TMC1: variants seen among roughly 807,000 people sequenced by gnomAD.
TMC1 encodes the protein transmembrane channel like 1.
Under a neutral mutation model 105.8 loss-of-function variants are expected in TMC1, and 84 were observed. That is an observed-to-expected ratio of 0.79 (90% CI 0.67 to 0.95). TMC1 has a LOEUF of 0.95. Among genes scored for constraint, TMC1 ranks in the 40% least tolerant of loss-of-function variants. The pLI, the probability that TMC1 is intolerant of heterozygous loss-of-function variation, is 0.00. For missense variants in TMC1, 817 were observed against 914.1 expected (o/e 0.89, Z 1.37); for synonymous variants, 315 against 311.5 (o/e 1.01, Z -0.12).
intron 9 of TMC1, among the ~76,000 whole-genome samples, chr9:72,741,785 CTGGTGGTCCTCT>C (rs1374124054): frequency 6.6e-6 from 1 of 152,234 alleles, no homozygotes; most frequent in Non-Finnish European, 1.5e-5. Flanking sequence ...CTCATTCTTC[CTGGTGGTCCTCT>C]TGACTATGGA....
rs528240964 is a variant in TMC1, at chr9:72,792,432, T to C, written c.1566+80T>C. 3.2e-6 allele frequency: 5 copies of C among 1,558,066 alleles called. No homozygotes were observed. In the East Asian group the frequency reaches 6.7e-5, roughly 21 times the overall value. On this transcript the variant is annotated intron_variant, in intron 17 of 23. Coordinates refer to ENST00000297784, the MANE Select transcript of TMC1 (RefSeq NM_138691.3). ...ATATCTCTTCCATAAGATTGGCTTT[T>C]AAAAAATTGCTTATTAGTAAAAATA... is the stretch of plus-strand genomic sequence containing the variant.
chr9:72,649,268 T>C (rs1413984047), intron 5 of TMC1, among the ~76,000 whole-genome samples: 5 of 152,218 alleles, frequency 3.3e-5, no homozygotes, highest in African/African-American at 1.2e-4. Context: ...TGTTCATTCA[T>C]CAGTCATTCT....
intron 8 of TMC1, among the ~76,000 whole-genome samples, chr9:72,737,707 C>G (rs1827323115): frequency 6.6e-6 from 1 of 152,208 alleles, no homozygotes; most frequent in Non-Finnish European, 1.5e-5. Flanking sequence ...TCCCTCCTGT[C>G]TTATCACCTC....
chr9:72,738,133 C>T (rs141154048), intron 8 of TMC1, among the ~76,000 whole-genome samples: 126 of 152,226 alleles, frequency 8.3e-4, no homozygotes, highest in African/African-American at 2.3e-3. Flanking sequence ...ATGCAATGGT[C>T]AATGCTATGG....
At chr9:72,628,092 A>C (rs963491857) in intron 4 of TMC1, 29 bp downstream of exon 4, 7 of 455,618 alleles carry the variant, frequency 1.5e-5, no homozygotes, top group Non-Finnish European at 1.8e-5. Context: ...AATATTGAGC[A>C]CGTTTTGGTG....
At chr9:72,582,605 T>C (rs554450038) in intron 2 of TMC1, among the ~76,000 whole-genome samples, 1 of 152,366 alleles carries the variant, frequency 6.6e-6, no homozygotes, top group South Asian at 2.1e-4. Flanking sequence ...CTTGTCTAGC[T>C]GTATGCTAAC....
chr9:72,679,617 T>C (rs1255040071), intron 5 of TMC1, among the ~76,000 whole-genome samples: 1 of 152,134 alleles, frequency 6.6e-6, no homozygotes, highest in African/African-American at 2.4e-5. Context: ...GCCTACACTC[T>C]GGTTCATAGA....
chr9:72,776,338 T>C (rs1341033), intron 13 of TMC1, among the ~76,000 whole-genome samples: 57,860 of 151,766 alleles, frequency 0.38, 11,855 homozygotes, highest in African/African-American at 0.53. Flanking sequence ...AATGACAGTA[T>C]GTTCATCCAT....
At chr9:72,602,821 A>G (rs976344638) in intron 2 of TMC1, among the ~76,000 whole-genome samples, 4 of 152,164 alleles carry the variant, frequency 2.6e-5, no homozygotes, top group African/African-American at 9.7e-5. Context: ...GTATTTTTAG[A>G]TAGAAATGTA....
intron 7 of TMC1, among the ~76,000 whole-genome samples, chr9:72,696,603 C>T (rs1241323596): frequency 6.6e-6 from 1 of 151,962 alleles, no homozygotes; most frequent in East Asian, 1.9e-4. Context: ...CAAGTAATGC[C>T]TCAGGGAATT....
intron 12 of TMC1, among the ~76,000 whole-genome samples, chr9:72,771,626 G>C (rs536694610): frequency 6.6e-6 from 1 of 152,276 alleles, no homozygotes; most frequent in Admixed American, 6.5e-5. Flanking sequence ...AGGGGAGCTG[G>C]GGAGTGGATA....
intron 19 of TMC1, among the ~76,000 whole-genome samples, chr9:72,820,095 A>G (rs554706963): frequency 2.4e-4 from 37 of 152,314 alleles, no homozygotes; most frequent in African/African-American, 8.7e-4. Flanking sequence ...GTAAGAAAGT[A>G]AACAGATAAA....
intron 1 of TMC1, among the ~76,000 whole-genome samples, chr9:72,539,164 A>G (rs1054705904): frequency 5.9e-5 from 9 of 151,564 alleles, no homozygotes; most frequent in African/African-American, 1.9e-4. Context: ...GGGCAGATCA[A>G]TTGGGCTCAG....
At chr9:72,532,251 C>T (rs1823508914) in intron 1 of TMC1, among the ~76,000 whole-genome samples, 1 of 152,020 alleles carries the variant, frequency 6.6e-6, no homozygotes, top group African/African-American at 2.4e-5. Flanking sequence ...ATTAAAAATG[C>T]TTTACTGGGC....
At chr9:72,685,368 T>C (rs1826363783) in intron 5 of TMC1, among the ~76,000 whole-genome samples, 1 of 150,228 alleles carries the variant, frequency 6.7e-6, no homozygotes, top group Non-Finnish European at 1.5e-5. Flanking sequence ...GGCCATTTTT[T>C]TTTTTTTTTT....
At chr9:72,582,855 G>C (rs1027122959) in intron 2 of TMC1, among the ~76,000 whole-genome samples, 6 of 152,066 alleles carry the variant, frequency 3.9e-5, no homozygotes, top group African/African-American at 1.2e-4. Flanking sequence ...CAGAAATATT[G>C]AGTCAGTGAT....
At chr9:72,627,255 A>C (rs1397890300) in intron 3 of TMC1, among the ~76,000 whole-genome samples, 1 of 151,862 alleles carries the variant, frequency 6.6e-6, no homozygotes, top group Non-Finnish European at 1.5e-5. Context: ...CGGTCTGGGG[A>C]GCATTATTCT....
chr9:72,745,225 C>T (rs1827469746), intron 10 of TMC1, among the ~76,000 whole-genome samples: 1 of 152,096 alleles, frequency 6.6e-6, no homozygotes, highest in Non-Finnish European at 1.5e-5. Flanking sequence ...CTTCAGTGTT[C>T]CTGCAATGTG....
chr9:72,542,881 A>G (rs920843498), intron 1 of TMC1, among the ~76,000 whole-genome samples: 2 of 151,580 alleles, frequency 1.3e-5, no homozygotes, highest in Non-Finnish European at 2.9e-5. Context: ...GGGTTTCACT[A>G]TCTTGGCCAG....
Sources: allele counts gnomAD v4.1 joint callset (sites outside exome capture counted in the v4.1 genomes callset), GRCh38; gene constraint gnomAD v4.1.1; transcripts MANE v1.5; gene names NCBI Gene and HGNC (gene_info 2026-07-23, HGNC 2026-07-21).